ANKS1B: variants seen among roughly 807,000 people sequenced by gnomAD.
ANKS1B encodes ankyrin repeat and sterile alpha motif domain-containing protein 1B.
In ANKS1B, 36 loss-of-function variants were observed where a neutral mutation model predicts 148.3. The observed-to-expected ratio is 0.24, with a 90% CI of 0.19 to 0.32. The LOEUF (loss-of-function observed/expected upper bound fraction) is 0.32, where lower values mean the gene tolerates loss of function less well. ANKS1B is among the 10% of genes least tolerant of loss of function. The pLI is 1.00. For missense variants in ANKS1B, 1,157 were observed against 1,542.6 expected (o/e 0.75, Z 4.19); for synonymous variants, 542 against 560.8 (o/e 0.97, Z 0.47).
chr12:98,849,577 C>T (rs888232201), intron 17 of ANKS1B, among the ~76,000 whole-genome samples: 11 of 152,210 alleles, frequency 7.2e-5, no homozygotes, highest in Admixed American at 3.9e-4. Flanking sequence ...TGCATTTGAG[C>T]AAACCAAAAC....
intron 12 of ANKS1B, among the ~76,000 whole-genome samples, chr12:99,273,486 G>A (rs938436367): frequency 3.3e-5 from 5 of 151,554 alleles, no homozygotes; most frequent in African/African-American, 1.2e-4. Flanking sequence ...TCCAACCCAC[G>A]GCCCATGGGC....
intron 8 of ANKS1B, among the ~76,000 whole-genome samples, chr12:99,715,492 G>A (rs1345688725): frequency 6.6e-6 from 1 of 152,054 alleles, no homozygotes; most frequent in Non-Finnish European, 1.5e-5. Context: ...TCCCTTCGCT[G>A]ACTCTTTTCG....
chr12:99,412,287 T>C (rs1456126688), intron 11 of ANKS1B, among the ~76,000 whole-genome samples: 3 of 152,170 alleles, frequency 2.0e-5, no homozygotes, highest in Non-Finnish European at 2.9e-5. Flanking sequence ...CAAGCACTTT[T>C]TATACCTAGG....
intron 9 of ANKS1B, among the ~76,000 whole-genome samples, chr12:99,544,196 A>G (rs538463861): frequency 1.3e-5 from 2 of 152,330 alleles, no homozygotes; most frequent in African/African-American, 4.8e-5. Flanking sequence ...AGTCTGGGTA[A>G]TATGTGAATG....
At chr12:99,239,695 C>A (rs925025143) in intron 14 of ANKS1B, among the ~76,000 whole-genome samples, 4 of 152,184 alleles carry the variant, frequency 2.6e-5, no homozygotes, top group African/African-American at 9.6e-5. Context: ...CAAAGGGAAG[C>A]CCATTAGACT....
intron 17 of ANKS1B, among the ~76,000 whole-genome samples, chr12:98,907,030 T>C (rs2099780165): frequency 6.6e-6 from 1 of 151,416 alleles, no homozygotes; most frequent in Non-Finnish European, 1.5e-5. Context: ...TGTGTGTGTG[T>C]GTGTGTGTGT....
chr12:99,445,712 C>T (rs911749705), intron 10 of ANKS1B, among the ~76,000 whole-genome samples: 2 of 151,658 alleles, frequency 1.3e-5, no homozygotes, highest in Non-Finnish European at 2.9e-5. Flanking sequence ...GAGAAGTATA[C>T]TGTTGGGTTT....
At chr12:99,948,524 C>T (rs1341064251) in intron 1 of ANKS1B, among the ~76,000 whole-genome samples, 2 of 152,186 alleles carry the variant, frequency 1.3e-5, no homozygotes. Flanking sequence ...GGTTACATCT[C>T]CCTGGAGTGA....
At chr12:98,947,797 T>A (rs373842756) in intron 17 of ANKS1B, among the ~76,000 whole-genome samples, 1 of 152,212 alleles carries the variant, frequency 6.6e-6, no homozygotes. Context: ...GATGTGGTTT[T>A]CCTGTGTCTT....
chr12:98,833,708 G>A (rs1241018731), intron 17 of ANKS1B, among the ~76,000 whole-genome samples: 4 of 152,140 alleles, frequency 2.6e-5, no homozygotes, highest in Non-Finnish European at 5.9e-5. Flanking sequence ...AGTATGCATA[G>A]TACCCAATAG....
At chr12:99,972,483 C>T (rs185021572) in intron 1 of ANKS1B, among the ~76,000 whole-genome samples, 5 of 152,210 alleles carry the variant, frequency 3.3e-5, no homozygotes, top group African/African-American at 7.2e-5. Context: ...AACAGCAACA[C>T]AACATTCCCT....
intron 14 of ANKS1B, among the ~76,000 whole-genome samples, chr12:99,184,713 A>G (rs57391837): frequency 0.016 from 2,413 of 152,312 alleles, 57 homozygotes; most frequent in African/African-American, 0.055. Context: ...TGTATCCTCA[A>G]TGAACATTTA....
At chr12:99,856,879 T>C (rs891504720) in intron 1 of ANKS1B, among the ~76,000 whole-genome samples, 4 of 152,120 alleles carry the variant, frequency 2.6e-5, no homozygotes, top group African/African-American at 4.8e-5. Flanking sequence ...AAAAGGGACA[T>C]ACCTTAAAGT....
chr12:99,728,703 G>C (rs887219140), intron 8 of ANKS1B, among the ~76,000 whole-genome samples: 19 of 152,144 alleles, frequency 1.2e-4, no homozygotes, highest in Non-Finnish European at 2.4e-4. Flanking sequence ...CAACAGCAAA[G>C]ACATGGAACC....
At chr12:99,434,676 T>C (rs1327189116) in intron 11 of ANKS1B, among the ~76,000 whole-genome samples, 1 of 152,132 alleles carries the variant, frequency 6.6e-6, no homozygotes, top group Non-Finnish European at 1.5e-5. Context: ...TAATGATTCA[T>C]TTGCATCTCT....
At chr12:99,901,886 T>C (rs1486809675) in intron 1 of ANKS1B, among the ~76,000 whole-genome samples, 4 of 152,226 alleles carry the variant, frequency 2.6e-5, no homozygotes, top group Admixed American at 6.5e-5. Flanking sequence ...ATTTAACTGC[T>C]CTAAGCCTCC....
At chr12:99,695,625 A>G (rs978309376) in intron 8 of ANKS1B, among the ~76,000 whole-genome samples, 1 of 152,166 alleles carries the variant, frequency 6.6e-6, no homozygotes, top group East Asian at 1.9e-4. Context: ...TTAAAATTAG[A>G]TTCATAATAA....
chr12:99,051,220 A>G (rs1299836901), intron 17 of ANKS1B, among the ~76,000 whole-genome samples: 1 of 152,192 alleles, frequency 6.6e-6, no homozygotes, highest in East Asian at 1.9e-4. Context: ...ACACTAGTTC[A>G]GGCCTTTGGA....
intron 9 of ANKS1B, among the ~76,000 whole-genome samples, chr12:99,631,158 G>T (rs1473180530): frequency 2.0e-5 from 3 of 152,056 alleles, no homozygotes; most frequent in Non-Finnish European, 4.4e-5. Context: ...AAATTACCCA[G>T]TCTCGGGTAT....
Sources: gnomAD v4.1 joint callset for allele counts (sites outside exome capture counted in the v4.1 genomes callset) on GRCh38, gnomAD v4.1.1 for gene constraint, MANE v1.5 for transcripts, NCBI Gene and HGNC (gene_info 2026-07-23, HGNC 2026-07-21) for gene names.